Variants in MLIP observed in about 807,000 individuals in gnomAD.
MLIP encodes the protein muscular LMNA interacting protein, also known as muscular LMNA-interacting protein.
A neutral mutation model predicts 84.8 loss-of-function variants in MLIP; 79 were observed. The ratio of observed to expected loss-of-function variants is 0.93; its 90% CI spans 0.78 to 1.12. MLIP has a LOEUF of 1.12. Among genes scored for constraint, MLIP ranks in the 50% most tolerant of loss-of-function variants. The pLI, the probability that MLIP is intolerant of heterozygous loss-of-function variation, is 0.00. For synonymous variants in MLIP, 504 were observed against 463.0 expected (o/e 1.09, Z -1.14); for missense variants, 1,257 against 1,160.6 (o/e 1.08, Z -1.21).
intron 4 of MLIP, among the ~76,000 whole-genome samples, chr6:54,142,740 G>A (rs553601342): frequency 2.6e-5 from 4 of 152,266 alleles, no homozygotes; most frequent in East Asian, 3.9e-4. Flanking sequence ...GAGGGTGAAA[G>A]TTTAAGCTGG....
intron 11 of MLIP, among the ~76,000 whole-genome samples, chr6:54,213,151 A>G (rs1779580543): frequency 6.6e-6 from 1 of 152,208 alleles, no homozygotes; most frequent in Non-Finnish European, 1.5e-5. Context: ...TGCCTTTTAA[A>G]TCTCTCTCTG....
upstream of MLIP, among the ~76,000 whole-genome samples, chr6:54,109,940 C>T (rs1322643172): frequency 1.0e-4 from 12 of 115,766 alleles, no homozygotes; most frequent in African/African-American, 3.7e-4. Context: ...TTCCTTCCTT[C>T]CTTCCTTCCT....
chr6:54,086,124 C>T (rs545077635), intron 1 of MLIP, among the ~76,000 whole-genome samples: 73 of 152,190 alleles, frequency 4.8e-4, no homozygotes, highest in Non-Finnish European at 9.3e-4. Context: ...ACATTTACCA[C>T]CTCTGCATGT....
At chr6:54,077,153 G>A (rs1219479227) in intron 1 of MLIP, among the ~76,000 whole-genome samples, 1 of 152,064 alleles carries the variant, frequency 6.6e-6, no homozygotes, top group Non-Finnish European at 1.5e-5. Context: ...AATAATCAAG[G>A]CTGCCATACT....
intron 12 of MLIP, among the ~76,000 whole-genome samples, chr6:54,232,072 C>T (rs1254282529): frequency 6.6e-6 from 1 of 151,734 alleles, no homozygotes; most frequent in Non-Finnish European, 1.5e-5. Flanking sequence ...TTGTTTGTGT[C>T]CCATTCTTGG....
At chr6:54,131,481 C>T (rs1771374505) in intron 3 of MLIP, among the ~76,000 whole-genome samples, 1 of 152,076 alleles carries the variant, frequency 6.6e-6, no homozygotes, top group South Asian at 2.1e-4. Context: ...ACCTTTGTTA[C>T]ATTTGAAAAA....
At chr6:54,260,835 A>T (rs571989425) in intron 13 of MLIP, among the ~76,000 whole-genome samples, 2 of 151,978 alleles carry the variant, frequency 1.3e-5, no homozygotes, top group East Asian at 3.9e-4. Context: ...ATTGCTTAGG[A>T]TGGGGCTGGC....
chr6:54,186,726 C>T (rs1777432459), intron 9 of MLIP, among the ~76,000 whole-genome samples: 1 of 152,148 alleles, frequency 6.6e-6, no homozygotes, highest in Non-Finnish European at 1.5e-5. Context: ...GGGGGAACTG[C>T]CCTCATGATC....
At chr6:54,186,030 TA>T (rs1372704754) in intron 9 of MLIP, among the ~76,000 whole-genome samples, 6 of 152,154 alleles carry the variant, frequency 3.9e-5, no homozygotes, top group African/African-American at 1.4e-4. Context: ...GTGGTACCTG[TA>T]AAGAATGACA....
chr6:54,128,940 G>T (rs964155199), intron 3 of MLIP, among the ~76,000 whole-genome samples: 2 of 151,782 alleles, frequency 1.3e-5, no homozygotes, highest in Admixed American at 6.6e-5. Context: ...TTTTTTGGAG[G>T]GGGGGCACAA....
chr6:54,236,141 T>G (rs973851737), intron 12 of MLIP, among the ~76,000 whole-genome samples: 5 of 152,206 alleles, frequency 3.3e-5, no homozygotes, highest in African/African-American at 1.2e-4. Flanking sequence ...TGAGTTCATC[T>G]ACTCACTAAA....
intron 1 of MLIP, among the ~76,000 whole-genome samples, chr6:54,095,749 A>T (rs1768166303): frequency 6.6e-6 from 1 of 152,228 alleles, no homozygotes. Flanking sequence ...AGTAAAAACA[A>T]CAGCGGAAGC....
chr6:54,158,745 A>G (rs1774306304), intron 5 of MLIP, among the ~76,000 whole-genome samples: 1 of 152,062 alleles, frequency 6.6e-6, no homozygotes, highest in South Asian at 2.1e-4. Context: ...GTCAAATACT[A>G]AAAGCAGGCT....
chr6:54,169,925 G>T (rs1170050346), intron 9 of MLIP, among the ~76,000 whole-genome samples: 3 of 151,712 alleles, frequency 2.0e-5, no homozygotes. Flanking sequence ...GAAACATTAA[G>T]ATTTGTCCAT....
intron 9 of MLIP, among the ~76,000 whole-genome samples, chr6:54,182,154 T>TAG (rs1776940920): frequency 6.6e-6 from 1 of 152,206 alleles, no homozygotes; most frequent in Non-Finnish European, 1.5e-5. Flanking sequence ...CTTTTGCCTA[T>TAG]GGTGGTGAGC....
intron 1 of MLIP, among the ~76,000 whole-genome samples, chr6:54,023,153 C>T (rs896111820): frequency 2.2e-4 from 31 of 142,238 alleles, no homozygotes; most frequent in Admixed American, 3.1e-4. Flanking sequence ...GGCGACAGAG[C>T]GAGACTCCAT....
At chr6:54,135,573 A>G (rs1351432127) in intron 3 of MLIP, among the ~76,000 whole-genome samples, 2 of 152,114 alleles carry the variant, frequency 1.3e-5, no homozygotes, top group African/African-American at 4.8e-5. Context: ...AGTTTTGCTA[A>G]GTTTGATTGT....
intron 1 of MLIP, 110 bp from the exon 2 acceptor site, chr6:54,121,337 C>A (rs1770431801): frequency 1.7e-6 from 2 of 1,149,284 alleles, no homozygotes; most frequent in Non-Finnish European, 2.5e-6. Flanking sequence ...GATCACAGGA[C>A]AATAGGCAAT....
Position 54,264,941 on chromosome 6 carries a change from C to T in MLIP, c.2977-1009C>T, listed in dbSNP as rs960578221. Among the ~76,000 whole-genome samples the T allele has an allele frequency of 5.3e-5, 8 of 152,024 alleles. No homozygotes were observed. In the South Asian group the frequency reaches 1.0e-3, roughly 20 times the overall value. On this transcript the variant is annotated intron_variant, in intron 13 of 13. Transcript: ENST00000502396. ...CTCATAATAATGCAGAATGTAACCG[C>T]GATTCACAATCCTGTTTAGCTGCTT...
Sources: gnomAD v4.1 joint callset for allele counts (sites outside exome capture counted in the v4.1 genomes callset) on GRCh38, gnomAD v4.1.1 for gene constraint, MANE v1.5 for transcripts, NCBI Gene and HGNC (gene_info 2026-07-23, HGNC 2026-07-21) for gene names.